Variants in SEPTIN11 observed in about 807,000 individuals in gnomAD.
SEPTIN11 encodes septin 11, also known as septin-11.
In SEPTIN11, 25 loss-of-function variants were observed where a neutral mutation model predicts 51.4. That is an observed-to-expected ratio of 0.49 (90% CI 0.35 to 0.68). SEPTIN11 has a LOEUF of 0.68. SEPTIN11 is among the 30% of genes least tolerant of loss of function. The pLI, the probability that SEPTIN11 is intolerant of heterozygous loss-of-function variation, is 0.00. For synonymous variants in SEPTIN11, 174 were observed against 184.1 expected (o/e 0.95, Z 0.44); for missense variants, 381 against 520.8 (o/e 0.73, Z 2.61).
chr4:77,036,044 T>G lies in SEPTIN11; in HGVS notation c.*1532T>G, dbSNP rs1031465035. 4.4e-5 allele frequency: 43 copies of G among 985,962 alleles called. No individual in the cohort carries two copies. In the African/African-American group the frequency reaches 6.3e-4, roughly 14 times the overall value. 61.1% of individuals were successfully genotyped at this position (985,962 alleles called of 1,614,324 possible). A position where few individuals can be genotyped will look rare whatever the true frequency, so the allele number is the denominator to read the frequency against. ...ACACTTTCTTTTTTGAATGAGCAAG[T>G]CTCCATTTTGATTTCAGCAAAGATT... is the stretch of plus-strand genomic sequence containing the variant. On this transcript the variant is annotated 3_prime_UTR_variant, in exon 10 of 10. Transcript: ENST00000264893.
intron 3 of SEPTIN11, among the ~76,000 whole-genome samples, chr4:77,006,682 G>C (rs1724497870): frequency 6.6e-6 from 1 of 152,174 alleles, no homozygotes; most frequent in Non-Finnish European, 1.5e-5. Flanking sequence ...CAACAAATCA[G>C]TAAGTTAGGG....
intron 2 of SEPTIN11, among the ~76,000 whole-genome samples, chr4:77,004,712 C>T (rs1724357715): frequency 6.6e-6 from 1 of 152,116 alleles, no homozygotes; most frequent in Non-Finnish European, 1.5e-5. Context: ...CCTGTAATCC[C>T]AGCACTTTAG....
intron 1 of SEPTIN11, among the ~76,000 whole-genome samples, chr4:76,980,600 T>C (rs750007724): frequency 1.3e-5 from 2 of 152,230 alleles, no homozygotes; most frequent in Non-Finnish European, 2.9e-5. Context: ...GTGAGATACG[T>C]GGTCTGACCC....
intron 3 of SEPTIN11, among the ~76,000 whole-genome samples, chr4:77,007,678 T>C (rs1446924540): frequency 6.6e-6 from 1 of 152,222 alleles, no homozygotes; most frequent in African/African-American, 2.4e-5. Flanking sequence ...AAGTGTGATA[T>C]TAACTTAACC....
At chr4:76,951,534 C>T (rs1018955686) in intron 1 of SEPTIN11, among the ~76,000 whole-genome samples, 4 of 151,812 alleles carry the variant, frequency 2.6e-5, no homozygotes, top group African/African-American at 9.7e-5. Flanking sequence ...GGTTAAATTA[C>T]TCCTCCCCCT....
Position 77,005,674 on chromosome 4 carries a change from T to A in SEPTIN11, c.216T>A (p.Thr72=), listed in dbSNP as rs778112308. 6.2e-7 allele frequency: 1 copy of A among 1,614,082 alleles called. No homozygotes were observed. Among genetic ancestry groups the A allele is most frequent in the East Asian group, 2.2e-5 (1 of 44,874 alleles). The change falls in exon 3 of 10, where the codon ACT becomes ACA. Residue 72 remains threonine (T), a synonymous_variant. Coordinates refer to ENST00000264893, the MANE Select transcript of SEPTIN11 (RefSeq NM_018243.4). ...CCAAATTTGAAAGTGACCCAGCTACTCACAATGAACCAGGTGTTCGGTTAA... is the reference window on the plus strand; with the variant it reads ...CCAAATTTGAAAGTGACCCAGCTACACACAATGAACCAGGTGTTCGGTTAA... ...FNTKFESDPA[T]HNEPGVRLKA... is the part of the protein sequence containing the mutation.
chr4:77,005,190 C>CA (rs1324406714), intron 2 of SEPTIN11, among the ~76,000 whole-genome samples: 5 of 152,130 alleles, frequency 3.3e-5, no homozygotes, highest in African/African-American at 1.2e-4. Context: ...TCACTTGTTT[C>CA]AAGTAACAGA....
intron 9 of SEPTIN11, among the ~76,000 whole-genome samples, chr4:77,033,743 A>C (rs2109989201): frequency 6.6e-6 from 1 of 152,352 alleles, no homozygotes; most frequent in South Asian, 2.1e-4. Flanking sequence ...AACAGTTTTA[A>C]AATTCGTCAT....
intron 7 of SEPTIN11, chr4:77,021,423 C>A (rs1410824187): frequency 6.6e-6 from 1 of 152,632 alleles, no homozygotes; most frequent in African/African-American, 2.4e-5. Context: ...AGGTTCACCA[C>A]CTCCTGGTCG....
intron 1 of SEPTIN11, among the ~76,000 whole-genome samples, chr4:76,960,444 G>A (rs1159843865): frequency 6.6e-6 from 1 of 152,068 alleles, no homozygotes; most frequent in African/African-American, 2.4e-5. Flanking sequence ...ATGAACTTAA[G>A]GCAGATAAGA....
At chr4:76,967,081 C>T (rs1044410638) in intron 1 of SEPTIN11, among the ~76,000 whole-genome samples, 3 of 152,088 alleles carry the variant, frequency 2.0e-5, no homozygotes, top group Non-Finnish European at 4.4e-5. Context: ...CCTGTAATCC[C>T]AGCTACTTGG....
At chr4:76,976,480 A>G (rs758624013) in intron 1 of SEPTIN11, among the ~76,000 whole-genome samples, 3 of 152,158 alleles carry the variant, frequency 2.0e-5, no homozygotes, top group Admixed American at 6.5e-5. Flanking sequence ...CAACCGTTCT[A>G]AGCCTTCTAT....
At position 77,020,688 on chromosome 4, in the gene SEPTIN11, A is replaced by G; in HGVS notation, c.953+18A>G. ...CCCTTCAGGTATGAAGGCATCTAGCAATCAGGTGTCTCCCAGACAGTGGCG... is the reference window on the plus strand; with the variant it reads ...CCCTTCAGGTATGAAGGCATCTAGCGATCAGGTGTCTCCCAGACAGTGGCG... On this transcript the variant is annotated intron_variant, in intron 7 of 9. Transcript: ENST00000264893. 1 of 1,611,192 alleles carries G rather than the reference A, an allele frequency of 6.2e-7. No individual in the cohort carries two copies. Among genetic ancestry groups the G allele is most frequent in the Non-Finnish European group, 8.5e-7 (1 of 1,178,158 alleles).
chr4:77,031,298 A>G (rs1381595644), intron 9 of SEPTIN11: 1 of 203,802 alleles, frequency 4.9e-6, no homozygotes, highest in East Asian at 1.2e-4. Context: ...GACAATTCTC[A>G]TGACTCTTGA....
intron 2 of SEPTIN11, among the ~76,000 whole-genome samples, chr4:77,004,021 A>G (rs887913448): frequency 1.3e-5 from 2 of 152,204 alleles, no homozygotes; most frequent in African/African-American, 4.8e-5. Context: ...CTAGATTTCT[A>G]CCTGCTTCTC....
At chr4:77,018,448 C>CAAA (rs35058632) in intron 5 of SEPTIN11, among the ~76,000 whole-genome samples, 1 of 131,762 alleles carries the variant, frequency 7.6e-6, no homozygotes. Flanking sequence ...GACTCCATCT[C>CAAA]AAAAAAAAAA....
At chr4:77,022,245 C>A (rs1162767376) in intron 7 of SEPTIN11, among the ~76,000 whole-genome samples, 2 of 152,152 alleles carry the variant, frequency 1.3e-5, no homozygotes, top group Non-Finnish European at 2.9e-5. Context: ...AAATTGAATT[C>A]ATTTTCCCCT....
intron 1 of SEPTIN11, among the ~76,000 whole-genome samples, chr4:76,963,607 A>G (rs1560695638): frequency 1.3e-5 from 2 of 152,224 alleles, no homozygotes. Context: ...GTCGTCAAAT[A>G]TGGCTTTTAA....
At chr4:76,993,523 G>C (rs2703104) in intron 1 of SEPTIN11, among the ~76,000 whole-genome samples, 88,535 of 151,856 alleles carry the variant, frequency 0.58, 26,121 homozygotes, top group Middle Eastern at 0.65. Context: ...GAGGGATGCG[G>C]TTCAGCTGCT....
Sources: gnomAD v4.1 joint callset for allele counts (sites outside exome capture counted in the v4.1 genomes callset) on GRCh38, gnomAD v4.1.1 for gene constraint, MANE v1.5 for transcripts, NCBI Gene and HGNC (gene_info 2026-07-23, HGNC 2026-07-21) for gene names.